The following THADA variants were observed in gnomAD, a reference collection of about 807,000 sequenced individuals.
THADA encodes the protein tRNA (32-2'-O)-methyltransferase regulator THADA.
THADA carries 213 observed loss-of-function variants against 219.8 expected under a neutral mutation model. The ratio of observed to expected loss-of-function variants is 0.97; its 90% CI spans 0.87 to 1.09. THADA has a LOEUF of 1.09. Among genes scored for constraint, THADA ranks in the 50% least tolerant of loss-of-function variants. The pLI is 0.00. For missense variants in THADA, 2,956 were observed against 2,311.3 expected (o/e 1.28, Z -5.72); for synonymous variants, 1,018 against 828.9 (o/e 1.23, Z -3.92).
At chr2:43,468,077 T>C (rs1479525187) in intron 26 of THADA, among the ~76,000 whole-genome samples, 2 of 152,236 alleles carry the variant, frequency 1.3e-5, no homozygotes, top group Admixed American at 6.5e-5. Flanking sequence ...ATACTGATCA[T>C]AGCATCTGTC....
intron 26 of THADA, among the ~76,000 whole-genome samples, chr2:43,451,832 C>G (rs1232522961): frequency 6.6e-6 from 1 of 152,216 alleles, no homozygotes; most frequent in African/African-American, 2.4e-5. Context: ...ACAGGCTGGG[C>G]TCAGTGGCTC....
intron 29 of THADA, among the ~76,000 whole-genome samples, chr2:43,376,267 A>T (rs544727921): frequency 9.2e-5 from 14 of 152,180 alleles, no homozygotes; most frequent in Non-Finnish European, 1.6e-4. Context: ...CCTCTTTATG[A>T]TTATTTGTTT....
rs149465055 is a variant in THADA, at chr2:43,438,702, G to A, written c.3837-8400C>T. Among the ~76,000 whole-genome samples, 491 of 152,242 alleles carry A rather than the reference G, an allele frequency of 3.2e-3. 2 individuals carry two copies. Among genetic ancestry groups the A allele is most frequent in the Middle Eastern group, 0.027 (8 of 294 alleles). ...GCTAAAGAAGTGGAACATTACAGTAGTCCCCCCCTTATCTGAGGGGATACA... is the reference window on the plus strand; with the variant it reads ...GCTAAAGAAGTGGAACATTACAGTAATCCCCCCCTTATCTGAGGGGATACA... On this transcript the variant is annotated intron_variant, in intron 26 of 37. Transcript: ENST00000405975.
intron 31 of THADA, among the ~76,000 whole-genome samples, chr2:43,296,165 G>A (rs1020933632): frequency 3.9e-5 from 6 of 151,912 alleles, no homozygotes; most frequent in African/African-American, 1.5e-4. Flanking sequence ...TGATCTGCTC[G>A]CCTCAGCCTC....
intron 22 of THADA, among the ~76,000 whole-genome samples, chr2:43,514,068 A>T (rs1359465621): frequency 6.6e-6 from 1 of 152,008 alleles, no homozygotes; most frequent in Admixed American, 6.6e-5. Flanking sequence ...CCTTAAAAAA[A>T]AAAAAAATAA....
chr2:43,578,331 G>C (rs1434151812), intron 9 of THADA, among the ~76,000 whole-genome samples, 182 bp downstream of exon 9: 1 of 146,392 alleles, frequency 6.8e-6, no homozygotes, highest in Non-Finnish European at 1.5e-5. Context: ...TTTTTTTGTA[G>C]AGACAAGGTC....
intron 31 of THADA, among the ~76,000 whole-genome samples, chr2:43,306,232 G>GA (rs1251300620): frequency 6.6e-6 from 1 of 152,036 alleles, no homozygotes; most frequent in Non-Finnish European, 1.5e-5. Flanking sequence ...GGCTAGTCTT[G>GA]AACTCCTGGG....
At chr2:43,500,986 A>G (rs1385458537) in intron 24 of THADA, among the ~76,000 whole-genome samples, 3 of 152,114 alleles carry the variant, frequency 2.0e-5, no homozygotes, top group African/African-American at 7.2e-5. Context: ...AAAAGACATT[A>G]GAAATAAATC....
intron 31 of THADA, among the ~76,000 whole-genome samples, chr2:43,316,645 A>C (rs963203855): frequency 6.6e-6 from 1 of 152,190 alleles, no homozygotes; most frequent in Non-Finnish European, 1.5e-5. Flanking sequence ...TAATGATAAT[A>C]GGCTGGGCAC....
At chr2:43,506,530 T>A (rs1367488360) in intron 23 of THADA, among the ~76,000 whole-genome samples, 2 of 152,170 alleles carry the variant, frequency 1.3e-5, no homozygotes, top group East Asian at 3.8e-4. Context: ...AGGGCAAATG[T>A]ATAGATCTGG....
At chr2:43,265,483 T>C (rs1671413167) in intron 36 of THADA, among the ~76,000 whole-genome samples, 1 of 152,208 alleles carries the variant, frequency 6.6e-6, no homozygotes. Context: ...GCCAGACTTG[T>C]GCCGGGCCCT....
rs746792700 is a variant in THADA, at chr2:43,292,104, C to A, written c.4937G>T (p.Arg1646Ile). ...TGCACAGGAGGTTTTGGGGGCAAAC[C>A]TTTCATTGGAAGCAATATCCATCGT... ...IWTMDIASNERSEIQSVALRL... is the reference protein window; with the variant it reads ...IWTMDIASNEISEIQSVALRL... Residue 1646 changes from arginine (R) to isoleucine (I), a missense_variant and splice_region_variant, in exon 33 of 38, where the codon AGA (arginine) becomes ATA (isoleucine). Arg to Ile is a moderately conservative substitution (Grantham distance 97). Transcript: ENST00000405975. The A allele has an allele frequency of 6.3e-7, 1 of 1,596,822 alleles. No individual in the cohort carries two copies. Among genetic ancestry groups the A allele is most frequent in the Admixed American group, 1.8e-5 (1 of 56,846 alleles).
chr2:43,286,513 G>T (rs1229420468), intron 35 of THADA, among the ~76,000 whole-genome samples: 1 of 152,124 alleles, frequency 6.6e-6, no homozygotes, highest in Non-Finnish European at 1.5e-5. Flanking sequence ...GGCTGAGGTG[G>T]GTGGATCACC....
intron 29 of THADA, among the ~76,000 whole-genome samples, chr2:43,348,410 G>C (rs1667883786): frequency 6.6e-6 from 1 of 152,072 alleles, no homozygotes; most frequent in Non-Finnish European, 1.5e-5. Context: ...AACTTTCGGA[G>C]AATCAAGAAA....
chr2:43,505,689 T>C lies in THADA; in HGVS notation c.3554A>G (p.Lys1185Arg). The change falls in exon 24 of 38, where the codon AAA (lysine) becomes AGA (arginine). Residue 1185 changes from lysine to arginine, a missense_variant. Physicochemically the swap from Lys to Arg is conservative, Grantham distance 26 (BLOSUM62 2). Coordinates refer to ENST00000405975, the MANE Select transcript of THADA (RefSeq NM_022065.5). ...EPKKGRMDLL[K>R]ITMKELISLA... is the part of the protein sequence containing the mutation. The stretch of plus-strand genomic sequence containing the variant: ...AGAGATTAACTCTTTCATTGTTATT[T>C]TCAACAAATCCATTCTGCCTTTCTT... 1 of 1,593,686 alleles carries C rather than the reference T, an allele frequency of 6.3e-7. No individual in the cohort carries two copies. The highest frequency in any genetic ancestry group is 8.6e-7 in the Non-Finnish European group (1 of 1,168,624).
intron 28 of THADA, among the ~76,000 whole-genome samples, chr2:43,403,746 GC>G (rs1419716805): frequency 6.6e-6 from 1 of 152,070 alleles, no homozygotes; most frequent in Non-Finnish European, 1.5e-5. Flanking sequence ...TGCTCTAGAT[GC>G]CCCTACTTAA....
At chr2:43,255,967 G>T (rs926368168) in intron 36 of THADA, among the ~76,000 whole-genome samples, 1 of 152,132 alleles carries the variant, frequency 6.6e-6, no homozygotes, top group African/African-American at 2.4e-5. Context: ...ACCTCAGCTC[G>T]GTCACAGACC....
At chr2:43,583,513 T>G (rs1184025394) in intron 7 of THADA, among the ~76,000 whole-genome samples, 1 of 152,224 alleles carries the variant, frequency 6.6e-6, no homozygotes, top group Admixed American at 6.5e-5. Context: ...AACTTGGTAG[T>G]TCCTCAAAAA....
chr2:43,383,867 C>A (rs115477304), intron 29 of THADA, among the ~76,000 whole-genome samples: 2,479 of 152,248 alleles, frequency 0.016, 26 homozygotes, highest in Non-Finnish European at 0.026. Flanking sequence ...TAAATTTATA[C>A]AAAAATACCA....
Sources: allele counts gnomAD v4.1 joint callset (sites outside exome capture counted in the v4.1 genomes callset), GRCh38; gene constraint gnomAD v4.1.1; transcripts MANE v1.5; gene names NCBI Gene and HGNC (gene_info 2026-07-23, HGNC 2026-07-21).